Variants in GDPD5 observed in about 807,000 individuals in gnomAD.
GDPD5 encodes the protein glycerophosphodiester phosphodiesterase domain containing 5, also known as glycerophosphodiester phosphodiesterase 2.
A neutral mutation model predicts 75.1 loss-of-function variants in GDPD5; 48 were observed. That is an observed-to-expected ratio of 0.64 (90% CI 0.51 to 0.81). The LOEUF (loss-of-function observed/expected upper bound fraction) is 0.81. Among genes scored for constraint, GDPD5 ranks in the 40% least tolerant of loss-of-function variants. GDPD5 has a pLI of 0.00. For missense variants in GDPD5, 706 were observed against 822.6 expected (o/e 0.86, Z 1.73); for synonymous variants, 336 against 339.0 (o/e 0.99, Z 0.10).
At chr11:75,454,424 CTTGGCAAGGAGGCCAT>C (rs1211259565) in intron 6 of GDPD5, among the ~76,000 whole-genome samples, 1 of 152,230 alleles carries the variant, frequency 6.6e-6, no homozygotes, top group Non-Finnish European at 1.5e-5. Context: ...ATCGGAGGCA[CTTGGCAAGGAGGCCAT>C]TTGGCAAGAT....
chr11:75,451,859 A>T (rs779046076), intron 6 of GDPD5: 3 of 152,262 alleles, frequency 2.0e-5, no homozygotes, highest in Non-Finnish European at 4.4e-5. Context: ...CTGCATGTTC[A>T]GTGTCTGTGG....
chr11:75,467,887 T>G (rs1464398886), intron 3 of GDPD5, among the ~76,000 whole-genome samples: 1 of 152,204 alleles, frequency 6.6e-6, no homozygotes. Flanking sequence ...CCTCACTGTC[T>G]CCTGAGGATG....
At chr11:75,468,411 C>T (rs1949573995) in intron 3 of GDPD5, among the ~76,000 whole-genome samples, 1 of 152,214 alleles carries the variant, frequency 6.6e-6, no homozygotes, top group Non-Finnish European at 1.5e-5. Flanking sequence ...CTGCCTAGTC[C>T]TTCTGTGGAC....
intron 1 of GDPD5, among the ~76,000 whole-genome samples, chr11:75,522,666 GC>G (rs909063536): frequency 4.1e-4 from 62 of 151,942 alleles, no homozygotes; most frequent in African/African-American, 1.3e-3. Context: ...TATCCTGCCT[GC>G]CCCCCCATAT....
intron 2 of GDPD5, among the ~76,000 whole-genome samples, chr11:75,489,094 C>T (rs146708900): frequency 3.3e-5 from 5 of 152,262 alleles, no homozygotes; most frequent in South Asian, 2.1e-4. Context: ...CATCTTACAC[C>T]ACACAACTGC....
Position 75,455,940 on chromosome 11 carries a change from A to G in GDPD5, c.375+817T>C, listed in dbSNP as rs1949275627. On this transcript the variant is annotated intron_variant, in intron 6 of 16. Transcript: ENST00000336898. ...GAGATGGAGGTTAACTCTGGCCTGCAAAGAGCACCTTGACTGGGTGGGTCG... is the reference window on the plus strand; with the variant it reads ...GAGATGGAGGTTAACTCTGGCCTGCGAAGAGCACCTTGACTGGGTGGGTCG... 2.0e-5 allele frequency among the ~76,000 whole-genome samples: 3 copies of G among 152,250 alleles called. No individual in the cohort carries two copies. In the South Asian group the frequency reaches 6.2e-4, roughly 31 times the overall value.
chr11:75,438,393 C>G (rs1279685823), intron 15 of GDPD5: 1 of 152,242 alleles, frequency 6.6e-6, no homozygotes. Flanking sequence ...CTGGCTGTGT[C>G]TGAGCAGACC....
At chr11:75,455,406 C>A in intron 6 of GDPD5, 1 of 456,132 alleles carries the variant, frequency 2.2e-6, no homozygotes, top group Non-Finnish European at 4.4e-6. Flanking sequence ...GGGCTGCTCA[C>A]GGCTCCTACC....
intron 4 of GDPD5, among the ~76,000 whole-genome samples, chr11:75,460,088 A>G (rs1949379547): frequency 6.6e-6 from 1 of 151,654 alleles, no homozygotes; most frequent in South Asian, 2.1e-4. Context: ...ACCGTTGGGA[A>G]ACTGAGGCCT....
chr11:75,502,408 G>A (rs952613925), intron 1 of GDPD5, among the ~76,000 whole-genome samples: 1 of 152,198 alleles, frequency 6.6e-6, no homozygotes, highest in Non-Finnish European at 1.5e-5. Flanking sequence ...AGCACATCAC[G>A]AATAAGTTGC....
At position 75,435,423 on chromosome 11, in the gene GDPD5, C is replaced by G; in HGVS notation, c.*84G>C. On this transcript the variant is annotated 3_prime_UTR_variant, in exon 17 of 17. Coordinates refer to ENST00000336898, the MANE Select transcript of GDPD5 (RefSeq NM_030792.8). ...GGCTGTGGAGCCCGCTCCCAGAGCA[C>G]TCCGAGTTCAGACACACTTCCACCA... 7.5e-7 allele frequency: 1 copy of G among 1,340,238 alleles called. No individual in the cohort carries two copies. Among genetic ancestry groups the G allele is most frequent in the Non-Finnish European group, 1.0e-6 (1 of 995,314 alleles). The allele number at this position is 1,340,238 out of a possible 1,614,324, so 83.0% of individuals were successfully genotyped here. A position where few individuals can be genotyped will look rare whatever the true frequency, so the allele number is the denominator to read the frequency against.
At chr11:75,449,197 C>G (rs1949064953) in intron 8 of GDPD5, 75 bp from the exon 9 acceptor site, 1 of 1,500,246 alleles carries the variant, frequency 6.7e-7, no homozygotes, top group Non-Finnish European at 8.9e-7. Flanking sequence ...CCCCTCTACC[C>G]CCGACCTGTC....
At chr11:75,451,070 C>T (rs1949136739) in intron 6 of GDPD5, 2 of 152,332 alleles carry the variant, frequency 1.3e-5, no homozygotes, top group Non-Finnish European at 1.5e-5. Flanking sequence ...CGGCCAGGGC[C>T]CTCTGATGCC....
chr11:75,469,618 G>C (rs1949612375), intron 3 of GDPD5, among the ~76,000 whole-genome samples: 1 of 152,258 alleles, frequency 6.6e-6, no homozygotes, highest in South Asian at 2.1e-4. Context: ...GGCTGCGCCA[G>C]AGCAGGGACC....
intron 1 of GDPD5, among the ~76,000 whole-genome samples, chr11:75,493,526 C>T (rs758516667): frequency 2.0e-5 from 3 of 152,038 alleles, no homozygotes; most frequent in East Asian, 1.9e-4. Flanking sequence ...CTCAGCCTCC[C>T]GAGTAGCTGG....
At chr11:75,458,585 T>G (rs1011034501) in intron 4 of GDPD5, among the ~76,000 whole-genome samples, 1 of 151,960 alleles carries the variant, frequency 6.6e-6, no homozygotes, top group Admixed American at 6.6e-5. Context: ...GGCAGGAGAA[T>G]GGGGTGAACC....
At chr11:75,473,959 AG>A (rs1949726855) in intron 3 of GDPD5, among the ~76,000 whole-genome samples, 1 of 152,090 alleles carries the variant, frequency 6.6e-6, no homozygotes, top group Non-Finnish European at 1.5e-5. Context: ...CCTTCAAGGG[AG>A]GGGAAAACCA....
At chr11:75,483,313 C>A (rs1949958059) in intron 2 of GDPD5, among the ~76,000 whole-genome samples, 1 of 152,200 alleles carries the variant, frequency 6.6e-6, no homozygotes, top group Admixed American at 6.5e-5. Context: ...CAGCCTCCTG[C>A]TTGCACAGGG....
chr11:75,440,477 C>T (rs1162917995), intron 14 of GDPD5, among the ~76,000 whole-genome samples: 1 of 152,216 alleles, frequency 6.6e-6, no homozygotes, highest in Non-Finnish European at 1.5e-5. Context: ...GACAGTGGAG[C>T]CACCACCTAT....
Sources: gnomAD v4.1 joint callset for allele counts (sites outside exome capture counted in the v4.1 genomes callset) on GRCh38, gnomAD v4.1.1 for gene constraint, MANE v1.5 for transcripts, NCBI Gene and HGNC (gene_info 2026-07-23, HGNC 2026-07-21) for gene names.